The following UTS2B variants were observed in gnomAD, a reference collection of about 807,000 sequenced individuals.
The protein encoded by UTS2B is urotensin-2B.
A neutral mutation model predicts 19.2 loss-of-function variants in UTS2B; 21 were observed. The observed-to-expected ratio is 1.09, with a 90% CI of 0.78 to 1.58. UTS2B has a LOEUF of 1.58. UTS2B is among the 40% of genes most tolerant of loss of function. The pLI is 0.00. For missense variants in UTS2B, 138 were observed against 130.3 expected, an observed-to-expected ratio of 1.06 and a Z score of -0.29; for synonymous variants, 57 against 50.2, an observed-to-expected ratio of 1.14 and a Z score of -0.58.
At chr3:191,280,327 T>C (rs1460593681) in intron 5 of UTS2B, among the ~76,000 whole-genome samples, 3 of 152,178 alleles carry the variant, frequency 2.0e-5, no homozygotes, top group African/African-American at 7.2e-5. Context: ...CACTTTTATA[T>C]GGTCCCTACC....
intron 8 of UTS2B, among the ~76,000 whole-genome samples, chr3:191,269,449 C>T (rs777334655): frequency 5.3e-5 from 8 of 151,774 alleles, no homozygotes; most frequent in Admixed American, 1.3e-4. Context: ...TATTTTCAGA[C>T]ATTGAAGTGA....
At chr3:191,324,565 C>G (rs1299497457) in intron 2 of UTS2B, among the ~76,000 whole-genome samples, 3 of 152,312 alleles carry the variant, frequency 2.0e-5, no homozygotes, top group East Asian at 1.9e-4. Context: ...TTCCCCTACA[C>G]AAGCTCTCTT....
chr3:191,268,130 C>T lies in UTS2B; in HGVS notation c.*286G>A. 1 of 243,508 alleles carries T rather than the reference C, an allele frequency of 4.1e-6. No homozygotes were observed. 15.1% of individuals were successfully genotyped at this position (243,508 alleles called of 1,614,324 possible). On this transcript the variant is annotated 3_prime_UTR_variant, in exon 9 of 9. Coordinates refer to ENST00000340524, the MANE Select transcript of UTS2B (RefSeq NM_198152.5). ...CGCATTCCATTCCCAGAGCTATGAA[C>T]ATCTGCTTTTCTGGGATAGGAATCT...
Position 191,268,147 on chromosome 3 carries a change from T to C in UTS2B, c.*269A>G. On this transcript the variant is annotated 3_prime_UTR_variant, in exon 9 of 9. Coordinates refer to ENST00000340524, the MANE Select transcript of UTS2B (RefSeq NM_198152.5). ...GCTATGAACATCTGCTTTTCTGGGA[T>C]AGGAATCTTGGTGATATGAAACCTC... 3.8e-6 allele frequency: 1 copy of C among 259,988 alleles called. No homozygotes were observed. The highest frequency in any genetic ancestry group is 8.1e-5 in the East Asian group (1 of 12,366). 16.1% of individuals were successfully genotyped at this position (259,988 alleles called of 1,614,324 possible).
At chr3:191,341,046 G>A in the UTS2B span, among the ~76,000 whole-genome samples, 22 of 150,304 alleles carry the variant, frequency 1.5e-4, no homozygotes, top group African/African-American at 5.2e-4. Context: ...GGCTGATCTT[G>A]AACTCCTGGC....
At chr3:191,324,140 C>G (rs953246214) in intron 2 of UTS2B, among the ~76,000 whole-genome samples, 2 of 152,106 alleles carry the variant, frequency 1.3e-5, no homozygotes, top group Non-Finnish European at 2.9e-5. Context: ...GGAGGCTTTA[C>G]AAGAAGAAGA....
At chr3:191,270,569 A>AT (rs751588773) in intron 8 of UTS2B, among the ~76,000 whole-genome samples, 1 of 152,084 alleles carries the variant, frequency 6.6e-6, no homozygotes, top group Non-Finnish European at 1.5e-5. Flanking sequence ...CTTTCAAATC[A>AT]TTCTAGCTGA....
intron 4 of UTS2B, among the ~76,000 whole-genome samples, chr3:191,296,952 A>G (rs1041484845): frequency 6.6e-6 from 1 of 152,248 alleles, no homozygotes; most frequent in Non-Finnish European, 1.5e-5. Context: ...AATTAACTAA[A>G]AACAGATGAA....
At chr3:191,310,343 T>C (rs992813456) in intron 3 of UTS2B, among the ~76,000 whole-genome samples, 1 of 151,752 alleles carries the variant, frequency 6.6e-6, no homozygotes, top group African/African-American at 2.4e-5. Flanking sequence ...TCAAAACAAA[T>C]AGTAGGTTTC....
At chr3:191,345,831 G>T in the UTS2B span, among the ~76,000 whole-genome samples, 1 of 152,098 alleles carries the variant, frequency 6.6e-6, no homozygotes, top group East Asian at 1.9e-4. Context: ...ATGATTCTTC[G>T]CAGTGTGTTT....
At chr3:191,308,286 T>C (rs1438986481) in intron 3 of UTS2B, among the ~76,000 whole-genome samples, 2 of 152,172 alleles carry the variant, frequency 1.3e-5, no homozygotes, top group African/African-American at 4.8e-5. Context: ...CATGAATACG[T>C]CCTAAGTGGC....
intron 8 of UTS2B, among the ~76,000 whole-genome samples, chr3:191,269,560 C>A (rs1716031690): frequency 6.6e-6 from 1 of 151,692 alleles, no homozygotes; most frequent in Admixed American, 6.6e-5. Flanking sequence ...CAGCCTGGAC[C>A]ACAGTGGCTA....
chr3:191,310,379 A>G (rs58319657), intron 3 of UTS2B, among the ~76,000 whole-genome samples: 33 of 152,286 alleles, frequency 2.2e-4, no homozygotes, highest in African/African-American at 7.5e-4. Flanking sequence ...AACAAAGATA[A>G]TATTTCCCAT....
chr3:191,287,064 T>C (rs1003164518), intron 4 of UTS2B, among the ~76,000 whole-genome samples: 45 of 152,026 alleles, frequency 3.0e-4, no homozygotes, highest in African/African-American at 9.9e-4. Flanking sequence ...CATGAGGAAA[T>C]AGAAAATCTG....
intron 7 of UTS2B, 56 bp from the exon 8 acceptor site, chr3:191,275,401 C>A: frequency 2.1e-6 from 3 of 1,462,598 alleles, no homozygotes; most frequent in Non-Finnish European, 2.9e-6. Context: ...ATGCTGTTGA[C>A]CGGGCGCGGT....
intron 8 of UTS2B, among the ~76,000 whole-genome samples, chr3:191,274,442 G>A (rs1367968710): frequency 6.6e-6 from 1 of 152,082 alleles, no homozygotes; most frequent in Non-Finnish European, 1.5e-5. Context: ...CGCATTTTTA[G>A]GCAAAGAAAA....
intron 3 of UTS2B, among the ~76,000 whole-genome samples, chr3:191,305,077 A>C (rs988065868): frequency 1.3e-5 from 2 of 152,194 alleles, no homozygotes; most frequent in African/African-American, 4.8e-5. Context: ...ATTGATGGGC[A>C]TTTAGGTTGA....
chr3:191,331,318 C>T (rs1717976187), upstream of UTS2B, among the ~76,000 whole-genome samples: 1 of 152,170 alleles, frequency 6.6e-6, no homozygotes, highest in Admixed American at 6.5e-5. Flanking sequence ...TAAAACTCTT[C>T]ATATACATTT....
chr3:191,300,190 C>T (rs541627769), intron 4 of UTS2B, among the ~76,000 whole-genome samples: 228 of 152,208 alleles, frequency 1.5e-3, no homozygotes, highest in African/African-American at 5.0e-3. Context: ...GCTGGGATTA[C>T]AGGCGCCCAC....
Sources: gnomAD v4.1 joint callset for allele counts (sites outside exome capture counted in the v4.1 genomes callset) on GRCh38, gnomAD v4.1.1 for gene constraint, MANE v1.5 for transcripts, NCBI Gene and HGNC (gene_info 2026-07-23, HGNC 2026-07-21) for gene names.